Variants in PLA2G4A observed in about 807,000 individuals in gnomAD.
PLA2G4A encodes the protein cytosolic phospholipase A2.
In PLA2G4A, 40 loss-of-function variants were observed where a neutral mutation model predicts 81.9. The ratio of observed to expected loss-of-function variants is 0.49; its 90% CI spans 0.38 to 0.64. The LOEUF is 0.64. Among genes scored for constraint, PLA2G4A ranks in the 30% least tolerant of loss-of-function variants. The pLI is 0.00. For missense variants in PLA2G4A, 715 were observed against 905.1 expected, an observed-to-expected ratio of 0.79 and a Z score of 2.69; for synonymous variants, 302 against 296.9, an observed-to-expected ratio of 1.02 and a Z score of -0.18.
intron 1 of PLA2G4A, among the ~76,000 whole-genome samples, chr1:186,846,100 G>C (rs1475117962): frequency 1.3e-5 from 2 of 152,148 alleles, no homozygotes; most frequent in African/African-American, 4.8e-5. Context: ...TTGCAGTAAG[G>C]TTTCCAGAAC....
At chr1:186,852,689 G>A (rs1652416993) in intron 1 of PLA2G4A, among the ~76,000 whole-genome samples, 1 of 151,896 alleles carries the variant, frequency 6.6e-6, no homozygotes, top group East Asian at 1.9e-4. Context: ...ACATGAAGGT[G>A]AAACCCTCAT....
intron 1 of PLA2G4A, among the ~76,000 whole-genome samples, chr1:186,835,932 T>C (rs1184326326): frequency 6.6e-6 from 1 of 152,188 alleles, no homozygotes; most frequent in African/African-American, 2.4e-5. Context: ...CAACCAGAGA[T>C]TTACATTTTA....
chr1:186,968,132 A>G (rs1657198557), intron 15 of PLA2G4A, among the ~76,000 whole-genome samples: 1 of 152,002 alleles, frequency 6.6e-6, no homozygotes, highest in South Asian at 2.1e-4. Context: ...TCATTTCACC[A>G]ATGGGGGTAT....
At chr1:186,895,892 A>G (rs1654316249) in intron 5 of PLA2G4A, among the ~76,000 whole-genome samples, 1 of 152,166 alleles carries the variant, frequency 6.6e-6, no homozygotes, top group Non-Finnish European at 1.5e-5. Flanking sequence ...TCCGTTCCTC[A>G]GTTTAATCAT....
chr1:186,867,037 C>T (rs1406348443), intron 2 of PLA2G4A, among the ~76,000 whole-genome samples: 1 of 151,998 alleles, frequency 6.6e-6, no homozygotes, highest in African/African-American at 2.4e-5. Flanking sequence ...TTCCATTGAT[C>T]TGGTTTGTTT....
intron 2 of PLA2G4A, among the ~76,000 whole-genome samples, chr1:186,864,159 C>T (rs896281473): frequency 6.6e-6 from 1 of 152,088 alleles, no homozygotes; most frequent in Non-Finnish European, 1.5e-5. Flanking sequence ...GAATAGTATT[C>T]CATTGTGTAT....
At chr1:186,948,357 G>A (rs1272854645) in intron 12 of PLA2G4A, among the ~76,000 whole-genome samples, 1 of 152,104 alleles carries the variant, frequency 6.6e-6, no homozygotes, top group Non-Finnish European at 1.5e-5. Flanking sequence ...CATTTACCAC[G>A]GGGCACATTC....
chr1:186,950,652 C>T lies in PLA2G4A; in HGVS notation c.1265-5C>T. ...TGCTTCAATTTTTTTGTTTTCTTTT[C>T]ACAGAAAATATTACCACAAAGCATA... On this transcript the variant is annotated splice_polypyrimidine_tract_variant and splice_region_variant and intron_variant, in intron 12 of 17. Coordinates refer to ENST00000367466, the MANE Select transcript of PLA2G4A (RefSeq NM_024420.3). 1 of 1,541,422 alleles carries T rather than the reference C, an allele frequency of 6.5e-7. No individual in the cohort carries two copies. Among genetic ancestry groups the T allele is most frequent in the African/African-American group, 1.4e-5 (1 of 73,594 alleles).
rs1333321994 is a variant in PLA2G4A, at chr1:186,965,598, G to A, written c.1764+5G>A. On this transcript the variant is annotated splice_donor_5th_base_variant and intron_variant, in intron 15 of 17. Coordinates refer to ENST00000367466, the MANE Select transcript of PLA2G4A (RefSeq NM_024420.3). Reference sequence around the variant, plus strand: ...GACTCTAGTCCTCCGTTCAAGGTAAGGATACATAATACAGCATTCCATTCT... The same window carrying A: ...GACTCTAGTCCTCCGTTCAAGGTAAAGATACATAATACAGCATTCCATTCT... 15 of 1,599,524 alleles carry A rather than the reference G, an allele frequency of 9.4e-6. No individual in the cohort carries two copies. The highest frequency in any genetic ancestry group is 1.3e-5 in the Non-Finnish European group (15 of 1,166,776).
intron 1 of PLA2G4A, among the ~76,000 whole-genome samples, chr1:186,833,010 G>A (rs113894352): frequency 0.025 from 3,867 of 152,230 alleles, 70 homozygotes; most frequent in Middle Eastern, 0.041. Flanking sequence ...TGGGAAACCT[G>A]GAGGGTTCAG....
intron 7 of PLA2G4A, among the ~76,000 whole-genome samples, chr1:186,932,113 T>C (rs953855954): frequency 1.3e-5 from 2 of 152,156 alleles, no homozygotes; most frequent in Non-Finnish European, 2.9e-5. Context: ...CCTTACATGA[T>C]TTCTGAGAGA....
chr1:186,833,082 G>C (rs1318873875), intron 1 of PLA2G4A, among the ~76,000 whole-genome samples: 1 of 152,164 alleles, frequency 6.6e-6, no homozygotes, highest in Non-Finnish European at 1.5e-5. Flanking sequence ...AGAAGATATT[G>C]TTAGGACTAA....
Position 186,878,300 on chromosome 1 carries a change from T to TA in PLA2G4A, c.115+7784_115+7785insA, listed in dbSNP as rs11371082. ...CTATATAAATATATCTTTTCTGATATTTTTATATATATCTATATAAATATA... is the reference window on the plus strand; with the variant it reads ...CTATATAAATATATCTTTTCTGATATATTTTATATATATCTATATAAATATA... On this transcript the variant is annotated intron_variant, in intron 3 of 17. Transcript: ENST00000367466. Among the ~76,000 whole-genome samples the TA allele has an allele frequency of 2.9e-3, 247 of 86,452 alleles. 7 individuals are homozygous for TA. The highest frequency in any genetic ancestry group is 0.013 in the East Asian group (14 of 1,094). The allele number at this position is 86,452 out of a possible 152,430, so 56.7% of individuals were successfully genotyped here.
At chr1:186,890,679 C>A (rs961846176) in intron 3 of PLA2G4A, among the ~76,000 whole-genome samples, 6 of 151,814 alleles carry the variant, frequency 4.0e-5, no homozygotes, top group East Asian at 1.9e-4. Flanking sequence ...CATGGTGTAA[C>A]CCTGTCTCTA....
At chr1:186,850,882 G>A (rs574903431) in intron 1 of PLA2G4A, among the ~76,000 whole-genome samples, 80 of 151,720 alleles carry the variant, frequency 5.3e-4, no homozygotes, top group Non-Finnish European at 1.1e-3. Flanking sequence ...TTTTTAAGTG[G>A]CAAATATATA....
intron 3 of PLA2G4A, among the ~76,000 whole-genome samples, chr1:186,885,963 T>A (rs974270473): frequency 4.6e-5 from 7 of 152,116 alleles, no homozygotes; most frequent in Non-Finnish European, 8.8e-5. Context: ...GCAAAAGTAA[T>A]ATTTGAAAAT....
intron 1 of PLA2G4A, among the ~76,000 whole-genome samples, chr1:186,842,245 G>A (rs572679742): frequency 3.3e-5 from 5 of 151,966 alleles, no homozygotes; most frequent in Non-Finnish European, 5.9e-5. Flanking sequence ...GTTTCACAGT[G>A]TTGCCCAGGC....
At position 186,973,646 on chromosome 1, in the gene PLA2G4A, T is replaced by A. The variant is rs117200140; in HGVS notation, c.1765-3947T>A. On this transcript the variant is annotated intron_variant, in intron 15 of 17. Transcript: ENST00000367466. Reference sequence around the variant, plus strand: ...CGTATTTTGTGAGTTTATGGTAACATCCCTGTGAATAACTAACCAGAATTA... The same window carrying A: ...CGTATTTTGTGAGTTTATGGTAACAACCCTGTGAATAACTAACCAGAATTA... Among the ~76,000 whole-genome samples the A allele has an allele frequency of 1.2e-4, 18 of 152,292 alleles. No individual in the cohort carries two copies. The East Asian group carries it at 3.1e-3, about 26-fold the overall frequency.
intron 1 of PLA2G4A, among the ~76,000 whole-genome samples, chr1:186,841,698 A>G (rs1158418759): frequency 3.3e-5 from 5 of 152,222 alleles, no homozygotes. Flanking sequence ...AGGTGAAAGA[A>G]TGGAAAATAA....
Sources: allele counts gnomAD v4.1 joint callset (sites outside exome capture counted in the v4.1 genomes callset), GRCh38; gene constraint gnomAD v4.1.1; transcripts MANE v1.5; gene names NCBI Gene and HGNC (gene_info 2026-07-23, HGNC 2026-07-21).